SLC35F1: variants seen among roughly 807,000 people sequenced by gnomAD.
SLC35F1 encodes solute carrier family 35 member F1.
In SLC35F1, 14 loss-of-function variants were observed where a neutral mutation model predicts 48.7. The ratio of observed to expected loss-of-function variants is 0.29; its 90% CI spans 0.19 to 0.45. The LOEUF (loss-of-function observed/expected upper bound fraction) is 0.45. Among genes scored for constraint, SLC35F1 ranks in the 20% least tolerant of loss-of-function variants. The probability of loss-of-function intolerance (pLI) is 1.00; values close to 1 mark genes in which losing one functional copy is unlikely to be tolerated. For missense variants in SLC35F1, 404 were observed against 500.0 expected (o/e 0.81, Z 1.83); for synonymous variants, 190 against 202.2 (o/e 0.94, Z 0.51).
At chr6:118,037,258 TAA>T (rs1772147904) in intron 1 of SLC35F1, among the ~76,000 whole-genome samples, 1 of 152,226 alleles carries the variant, frequency 6.6e-6, no homozygotes, top group African/African-American at 2.4e-5. Flanking sequence ...AGACAATATA[TAA>T]TTGAGTCTAG....
intron 6 of SLC35F1, among the ~76,000 whole-genome samples, chr6:118,282,630 A>T (rs1325546795): frequency 1.3e-5 from 2 of 152,168 alleles, no homozygotes; most frequent in Non-Finnish European, 2.9e-5. Flanking sequence ...AAAACAACAC[A>T]TTCAAAATGG....
intron 1 of SLC35F1, among the ~76,000 whole-genome samples, chr6:117,946,030 A>G (rs1262739003): frequency 6.6e-6 from 1 of 152,216 alleles, no homozygotes; most frequent in East Asian, 1.9e-4. Flanking sequence ...ACTGAAGAAC[A>G]GAAACTCTCT....
intron 5 of SLC35F1, 96 bp downstream of exon 5, chr6:118,275,711 T>C (rs1474620969): frequency 8.6e-7 from 1 of 1,163,120 alleles, no homozygotes; most frequent in Non-Finnish European, 1.2e-6. Context: ...AAGGCTGGAA[T>C]CCAGACACCA....
At position 117,907,557 on chromosome 6, in the gene SLC35F1, C is replaced by T. The variant is rs948221586; in HGVS notation, c.-170C>T. On this transcript the variant is annotated 5_prime_UTR_variant, in exon 1 of 8. Coordinates refer to ENST00000360388, the MANE Select transcript of SLC35F1 (RefSeq NM_001029858.4). ...GGAGAGGAGTGAGTGGCGGGCTGGGCGGCGGCGGCCGTAGCCGCGGGTGCC... is the reference window on the plus strand; with the variant it reads ...GGAGAGGAGTGAGTGGCGGGCTGGGTGGCGGCGGCCGTAGCCGCGGGTGCC... The T allele has an allele frequency of 1.1e-5, 4 of 373,440 alleles. No individual in the cohort carries two copies. The highest frequency in any genetic ancestry group is 1.9e-5 in the Non-Finnish European group (4 of 211,912). The allele number at this position is 373,440 out of a possible 1,614,324, so 23.1% of individuals were successfully genotyped here. A position where few individuals can be genotyped will look rare whatever the true frequency, so the allele number is the denominator to read the frequency against.
intron 7 of SLC35F1, among the ~76,000 whole-genome samples, chr6:118,310,973 C>T (rs1053343151): frequency 6.6e-6 from 1 of 152,072 alleles, no homozygotes; most frequent in Non-Finnish European, 1.5e-5. Flanking sequence ...GAGAGGAATC[C>T]AATCCTTCTA....
chr6:118,314,040 T>C lies in SLC35F1; in HGVS notation c.1015T>C (p.Tyr339His). ...TGTGTTTTTTTAGTTTTCAGGACTT[T>C]ATCTCCTGTCTTTCTTCACCATCCT... ...FLFHYKFSGL[Y>H]LLSFFTILIG... The change falls in exon 8 of 8, where the codon TAT becomes CAT. Residue 339 changes from tyrosine (Y) to histidine (H), a missense_variant. Around this residue, in one of 2 missense-constraint regions of SLC35F1, gnomAD observed 306 missense variants for 419.1 expected, o/e 0.73. Coordinates refer to ENST00000360388, the MANE Select transcript of SLC35F1 (RefSeq NM_001029858.4). The C allele has an allele frequency of 6.2e-7, 1 of 1,614,196 alleles. No homozygotes were observed. The highest frequency in any genetic ancestry group is 8.5e-7 in the Non-Finnish European group (1 of 1,180,030).
At chr6:118,174,934 A>C (rs1774464939) in intron 2 of SLC35F1, among the ~76,000 whole-genome samples, 1 of 152,100 alleles carries the variant, frequency 6.6e-6, no homozygotes. Flanking sequence ...TCTGTAAACC[A>C]TAAAAGTACT....
chr6:118,280,843 C>CT (rs1775974274), intron 6 of SLC35F1, among the ~76,000 whole-genome samples: 1 of 151,488 alleles, frequency 6.6e-6, no homozygotes, highest in South Asian at 2.1e-4. Context: ...TGCACTCCAG[C>CT]CTGGAAACAG....
intron 1 of SLC35F1, among the ~76,000 whole-genome samples, chr6:118,089,713 C>A (rs771431249): frequency 1.3e-5 from 2 of 152,140 alleles, no homozygotes; most frequent in Non-Finnish European, 2.9e-5. Flanking sequence ...TATTTTCATG[C>A]CTTTATTGTC....
intron 1 of SLC35F1, among the ~76,000 whole-genome samples, chr6:117,961,742 A>G (rs1224967382): frequency 1.3e-5 from 2 of 152,170 alleles, no homozygotes; most frequent in Non-Finnish European, 2.9e-5. Context: ...TTTCCCAGTA[A>G]TCCACTGTGA....
chr6:118,238,053 T>C (rs1775388733), intron 3 of SLC35F1, among the ~76,000 whole-genome samples: 1 of 152,178 alleles, frequency 6.6e-6, no homozygotes, highest in Admixed American at 6.5e-5. Context: ...ATCTTAGAAA[T>C]GGTATAAGAA....
chr6:118,149,154 T>C lies in SLC35F1; in HGVS notation c.174-5291T>C, dbSNP rs1278796583. 2.0e-5 allele frequency among the ~76,000 whole-genome samples: 3 copies of C among 152,252 alleles called. No individual in the cohort carries two copies. The East Asian group carries it at 5.8e-4, about 29-fold the overall frequency. Reference sequence around the variant, plus strand: ...ACAATATGGTGAGTGCCAATAGTGATAGGGAAATGCAGGTGAGGACACTTG... The same window carrying C: ...ACAATATGGTGAGTGCCAATAGTGACAGGGAAATGCAGGTGAGGACACTTG... On this transcript the variant is annotated intron_variant, in intron 1 of 7. Coordinates refer to ENST00000360388, the MANE Select transcript of SLC35F1 (RefSeq NM_001029858.4).
chr6:118,250,356 C>T (rs62421484), intron 3 of SLC35F1, among the ~76,000 whole-genome samples: 10,552 of 152,274 alleles, frequency 0.069, 548 homozygotes, highest in Non-Finnish European at 0.1. Context: ...AGTGCCTACA[C>T]ACAGAAGGTG....
intron 2 of SLC35F1, among the ~76,000 whole-genome samples, chr6:118,206,090 A>G (rs1237023148): frequency 2.0e-5 from 3 of 152,226 alleles, no homozygotes; most frequent in Non-Finnish European, 4.4e-5. Context: ...TTGTAAATGT[A>G]TGGCTATATG....
chr6:118,069,099 T>A (rs1772661527), intron 1 of SLC35F1, among the ~76,000 whole-genome samples: 3 of 152,182 alleles, frequency 2.0e-5, no homozygotes, highest in Admixed American at 6.5e-5. Flanking sequence ...ATGGTTTTCC[T>A]TTAACGTGGT....
rs139930792 is a variant in SLC35F1 at position 118,078,939 on chromosome 6, G to A, written c.174-75506G>A. The stretch of plus-strand genomic sequence containing the variant: ...TTTTGGAATGCCTTGTGAGACGCCT[G>A]ACTGCTGAAGCCCATCTTTAGATAC... On this transcript the variant is annotated intron_variant, in intron 1 of 7. Coordinates refer to ENST00000360388, the MANE Select transcript of SLC35F1 (RefSeq NM_001029858.4). Among the ~76,000 whole-genome samples, 787 of 152,294 alleles carry A rather than the reference G, an allele frequency of 5.2e-3. 7 individuals are homozygous for A. The highest frequency in any genetic ancestry group is 9.7e-3 in the Non-Finnish European group (662 of 68,012).
At chr6:117,948,454 T>C (rs1431611951) in intron 1 of SLC35F1, among the ~76,000 whole-genome samples, 1 of 152,178 alleles carries the variant, frequency 6.6e-6, no homozygotes, top group African/African-American at 2.4e-5. Flanking sequence ...TGATTCCCAA[T>C]TATCTACTTT....
At chr6:118,032,675 T>C (rs12661065) in intron 1 of SLC35F1, among the ~76,000 whole-genome samples, 51,967 of 152,094 alleles carry the variant, frequency 0.34, 9,057 homozygotes, top group East Asian at 0.49. Context: ...AGAAATGTTA[T>C]AGTTGGTGTT....
intron 1 of SLC35F1, among the ~76,000 whole-genome samples, chr6:118,149,394 T>C (rs1269949080): frequency 6.6e-6 from 1 of 152,192 alleles, no homozygotes; most frequent in Non-Finnish European, 1.5e-5. Flanking sequence ...CATCGCCAAA[T>C]GGATTTGTCC....
Sources: allele counts gnomAD v4.1 joint callset (sites outside exome capture counted in the v4.1 genomes callset), GRCh38; gene constraint gnomAD v4.1.1; regional missense constraint gnomAD v4.1.1; transcripts MANE v1.5; gene names NCBI Gene and HGNC (gene_info 2026-07-23, HGNC 2026-07-21).